KLHL1: variants seen among roughly 807,000 people sequenced by gnomAD.
KLHL1 encodes kelch like family member 1, also known as kelch-like protein 1.
In KLHL1, 47 loss-of-function variants were observed where a neutral mutation model predicts 77.7. The ratio of observed to expected loss-of-function variants is 0.60; its 90% confidence interval spans 0.48 to 0.77. The LOEUF (loss-of-function observed/expected upper bound fraction) is 0.77. Ranked by LOEUF, KLHL1 falls within the 30% of genes least tolerant of loss-of-function variation. KLHL1 has a pLI of 0.00. For synonymous variants in KLHL1, 360 were observed against 325.2 expected (o/e 1.11, Z -1.15); for missense variants, 925 against 910.8 (o/e 1.02, Z -0.20).
chr13:69,939,340 C>CATATAT (rs34074889), intron 4 of KLHL1, among the ~76,000 whole-genome samples: 1,333 of 60,414 alleles, frequency 0.022, 30 homozygotes, highest in East Asian at 0.037. Flanking sequence ...CATATACATA[C>CATATAT]ATATATATAT....
intron 1 of KLHL1, among the ~76,000 whole-genome samples, chr13:70,057,800 A>AAT: frequency 6.7e-6 from 1 of 149,652 alleles, no homozygotes; most frequent in South Asian, 2.1e-4. Context: ...AAAAAAAAAA[A>AAT]AAAAAGAAAG....
intron 1 of KLHL1, among the ~76,000 whole-genome samples, chr13:70,009,555 G>T (rs979241427): frequency 6.6e-6 from 1 of 152,082 alleles, no homozygotes; most frequent in African/African-American, 2.4e-5. Context: ...ACCTTCCAGC[G>T]ATGCGACTAT....
intron 8 of KLHL1, among the ~76,000 whole-genome samples, chr13:69,725,996 C>A (rs910625685): frequency 1.3e-5 from 2 of 152,096 alleles, no homozygotes; most frequent in African/African-American, 4.8e-5. Flanking sequence ...GTTGTGTCTC[C>A]ACTAGAAAGT....
chr13:70,091,564 A>T (rs1887673921), intron 1 of KLHL1, among the ~76,000 whole-genome samples: 1 of 152,048 alleles, frequency 6.6e-6, no homozygotes, highest in Non-Finnish European at 1.5e-5. Context: ...GTGGATCTAA[A>T]ATTCACTCTC....
intron 4 of KLHL1, among the ~76,000 whole-genome samples, chr13:69,888,334 T>C (rs1338770443): frequency 6.6e-6 from 1 of 152,124 alleles, no homozygotes; most frequent in Non-Finnish European, 1.5e-5. Context: ...CCAAATACTA[T>C]ATTTAATATT....
At chr13:69,867,155 A>G (rs1277629665) in intron 5 of KLHL1, among the ~76,000 whole-genome samples, 1 of 152,152 alleles carries the variant, frequency 6.6e-6, no homozygotes, top group Non-Finnish European at 1.5e-5. Context: ...AAAGCAAACA[A>G]TTAAAGGTGT....
chr13:69,769,172 C>T (rs2137978924), intron 7 of KLHL1, among the ~76,000 whole-genome samples: 1 of 152,190 alleles, frequency 6.6e-6, no homozygotes, highest in East Asian at 1.9e-4. Flanking sequence ...AAGACTTTAG[C>T]AAGGAAATGA....
intron 1 of KLHL1, among the ~76,000 whole-genome samples, chr13:69,992,784 C>A (rs1415018924): frequency 6.6e-6 from 1 of 151,966 alleles, no homozygotes; most frequent in East Asian, 1.9e-4. Context: ...TTCCTTTGAT[C>A]CAATATGTCA....
At chr13:69,744,280 A>T (rs1171113305) in intron 7 of KLHL1, among the ~76,000 whole-genome samples, 3 of 152,104 alleles carry the variant, frequency 2.0e-5, no homozygotes, top group Admixed American at 6.6e-5. Context: ...ACAGTGGAGA[A>T]AGTTTCCAGG....
At chr13:70,083,048 A>C (rs2137432087) in intron 1 of KLHL1, among the ~76,000 whole-genome samples, 1 of 152,298 alleles carries the variant, frequency 6.6e-6, no homozygotes, top group Admixed American at 6.5e-5. Context: ...AAGAAAAATA[A>C]AAAATGAATT....
chr13:69,882,435 G>A lies in KLHL1; in HGVS notation c.1075C>T (p.His359Tyr). 1 of 1,613,874 alleles carries A rather than the reference G, an allele frequency of 6.2e-7. No individual in the cohort carries two copies. The highest frequency in any genetic ancestry group is 8.5e-7 in the Non-Finnish European group (1 of 1,179,850). ...EFLLLPAEELHKLLASDDVNV... is the reference protein window; with the variant it reads ...EFLLLPAEELYKLLASDDVNV... ...ACATCATCACTGGCCAGTAGTTTAT[G>A]GAGCTCCTCAGCTGGAAGGAGTAAA... The change falls in exon 5 of 11, where the codon CAT (histidine) becomes TAT (tyrosine). Residue 359 changes from histidine (H) to tyrosine (Y), a missense_variant. His to Tyr is a moderately conservative substitution (Grantham distance 83, BLOSUM62 2). Transcript: ENST00000377844.
At chr13:69,842,876 C>G (rs1038074739) in intron 5 of KLHL1, among the ~76,000 whole-genome samples, 1 of 151,490 alleles carries the variant, frequency 6.6e-6, no homozygotes, top group African/African-American at 2.4e-5. Context: ...TAAAATCATG[C>G]CATTTATAGC....
intron 3 of KLHL1, among the ~76,000 whole-genome samples, chr13:69,944,338 A>G (rs1338891017): frequency 1.3e-5 from 2 of 152,222 alleles, no homozygotes; most frequent in Non-Finnish European, 2.9e-5. Context: ...AAGTATCTTC[A>G]GTGGGACTCC....
chr13:69,939,378 T>TATATATACACAC (rs1200160699), intron 4 of KLHL1, among the ~76,000 whole-genome samples: 204 of 70,654 alleles, frequency 2.9e-3, no homozygotes, highest in African/African-American at 3.5e-3. Context: ...TATATATATA[T>TATATATACACAC]ACACACACAC....
At chr13:69,915,888 A>C (rs1882413707) in intron 4 of KLHL1, among the ~76,000 whole-genome samples, 1 of 152,110 alleles carries the variant, frequency 6.6e-6, no homozygotes, top group African/African-American at 2.4e-5. Context: ...AACTCAAACA[A>C]ATTTACAAGA....
At chr13:70,004,518 T>TC (rs202069685) in intron 1 of KLHL1, among the ~76,000 whole-genome samples, 1 of 84,784 alleles carries the variant, frequency 1.2e-5, no homozygotes, top group Non-Finnish European at 3.4e-5. Flanking sequence ...TATCCTGCCA[T>TC]CCCCCTGACT....
chr13:69,835,397 G>C (rs746696560), intron 6 of KLHL1, among the ~76,000 whole-genome samples: 14 of 152,158 alleles, frequency 9.2e-5, no homozygotes, highest in South Asian at 2.1e-4. Context: ...AAACCAGAGA[G>C]AGAGCTAAAG....
intron 4 of KLHL1, among the ~76,000 whole-genome samples, chr13:69,897,562 A>C (rs1052010172): frequency 2.0e-5 from 3 of 152,178 alleles, no homozygotes; most frequent in African/African-American, 7.2e-5. Context: ...TATTAAACCT[A>C]GCGAGGGACA....
At chr13:69,814,466 C>T (rs960624310) in intron 6 of KLHL1, among the ~76,000 whole-genome samples, 8 of 152,012 alleles carry the variant, frequency 5.3e-5, no homozygotes, top group African/African-American at 1.9e-4. Context: ...AACAGACAAC[C>T]TACAAAATGG....
Sources: gnomAD v4.1 joint callset for allele counts (sites outside exome capture counted in the v4.1 genomes callset) on GRCh38, gnomAD v4.1.1 for gene constraint, MANE v1.5 for transcripts, NCBI Gene and HGNC (gene_info 2026-07-23, HGNC 2026-07-21) for gene names.